The following SOWAHB variants were observed in gnomAD, a reference collection of about 807,000 sequenced individuals.
The protein encoded by SOWAHB is sosondowah ankyrin repeat domain family member B, also known as ankyrin repeat domain-containing protein SOWAHB.
A neutral mutation model predicts 18.3 loss-of-function variants in SOWAHB; 17 were observed. That is an observed-to-expected ratio of 0.93 (90% CI 0.64 to 1.40). The LOEUF is 1.40. Ranked by LOEUF, SOWAHB falls within the 40% of genes most tolerant of loss-of-function variation. The pLI, the probability that SOWAHB is intolerant of heterozygous loss-of-function variation, is 0.00. For missense variants in SOWAHB, 1,126 were observed against 1,033.7 expected (o/e 1.09, Z -1.22); for synonymous variants, 496 against 448.1 (o/e 1.11, Z -1.35).
Position 76,897,262 on chromosome 4 carries a change from G to T in SOWAHB, c.588C>A (p.Cys196Ter). The T allele has an allele frequency of 6.4e-7, 1 of 1,564,570 alleles. No individual in the cohort carries two copies. ...SCAAAKTQGR[C>*]CWECLQNNLA... is the part of the protein sequence containing the mutation. ...GGTTGTTCTGGAGGCATTCCCAGCA[G>T]CAGCGGCCCTGCGTCTTCGCCGCCG... is the stretch of plus-strand genomic sequence containing the variant. The change falls in exon 1 of 1, where the codon TGC becomes TGA. Residue 196 changes from cysteine to a stop codon, truncating the protein, a stop_gained. Coordinates refer to ENST00000334306, the MANE Select transcript of SOWAHB (RefSeq NM_001029870.3). LOFTEE classifies it low-confidence loss of function (END_TRUNC). The surrounding 1 kb of genome is among the most constrained non-coding windows in gnomAD (Gnocchi z 6.4).
chr4:76,896,529 C>A lies in SOWAHB; in HGVS notation c.1321G>T (p.Gly441Cys). The change falls in exon 1 of 1, where the codon GGC (glycine) becomes TGC (cysteine). Residue 441 changes from glycine (G) to cysteine (C), a missense_variant. Coordinates refer to ENST00000334306, the MANE Select transcript of SOWAHB (RefSeq NM_001029870.3). ...CCCTCCTTCCGAGATACAGAAAGGC[C>A]CCCAGCTGGATTCCTGAGCTTCCCC... ...DRGKLRNPAG[G>C]LSVSRKEGSP... The A allele has an allele frequency of 6.2e-7, 1 of 1,613,012 alleles. No homozygotes were observed. The highest frequency in any genetic ancestry group is 8.5e-7 in the Non-Finnish European group (1 of 1,179,850).
In SOWAHB at chr4:76,897,339, G is replaced by A; in HGVS notation, c.511C>T (p.Pro171Ser). ...GGSKGSPGQR[P>S]PVPAAAAAGA... The stretch of plus-strand genomic sequence containing the variant: ...GCCGCTGCAGCTGCGGGCACCGGCG[G>A]CCTCTGTCCGGGACTGCCCTTCGAT... Residue 171 changes from proline to serine, a missense_variant, in exon 1 of 1, where the codon CCG (proline) becomes TCG (serine). Pro to Ser is a moderately conservative substitution (Grantham distance 74). Transcript: ENST00000334306. This position sits in a 1 kb window ranked among gnomAD's most constrained non-coding sequence, Gnocchi z 6.4. 1.3e-6 allele frequency: 2 copies of A among 1,537,596 alleles called. No individual in the cohort carries two copies. Among genetic ancestry groups the A allele is most frequent in the Non-Finnish European group, 1.7e-6 (2 of 1,148,158 alleles).
At position 76,897,369 on chromosome 4, in the gene SOWAHB, C is replaced by G; in HGVS notation, c.481G>C (p.Gly161Arg). The G allele has an allele frequency of 6.5e-7, 1 of 1,529,344 alleles. No individual in the cohort carries two copies. The highest frequency in any genetic ancestry group is 2.0e-5 in the Admixed American group (1 of 51,014). 94.7% of individuals were successfully genotyped at this position (1,529,344 alleles called of 1,614,324 possible). A position where few individuals can be genotyped will look rare whatever the true frequency, so the allele number is the denominator to read the frequency against. ...TGTCCGGGACTGCCCTTCGATCCGC[C>G]GCCCTTCCCGGGCGCCCTACGGGAG... ...SDSRRAPGKG[G>R]GSKGSPGQRP... The change falls in exon 1 of 1, where the codon GGC (glycine) becomes CGC (arginine). Residue 161 changes from glycine (G) to arginine (R), a missense_variant. By Grantham distance (125) the Gly-to-Arg change is moderately radical (BLOSUM62 -2). Transcript: ENST00000334306. This position sits in a 1 kb window ranked among gnomAD's most constrained non-coding sequence, Gnocchi z 6.4.
rs1719859169 is a variant in SOWAHB, at chr4:76,894,262, AT to A, written c.*1205del. ...TGTCACATCTCATGAAAACATTCCC[AT>A]AAAAAATTAACAATTTCCACTTGAA... is the stretch of plus-strand genomic sequence containing the variant. On this transcript the variant is annotated 3_prime_UTR_variant, in exon 1 of 1. Coordinates refer to ENST00000334306, the MANE Select transcript of SOWAHB (RefSeq NM_001029870.3). 6.6e-6 allele frequency among the ~76,000 whole-genome samples: 1 copy of A among 152,218 alleles called. No homozygotes were observed. The highest frequency in any genetic ancestry group is 2.4e-5 in the African/African-American group (1 of 41,462).
chr4:76,895,435 G>A lies in SOWAHB; in HGVS notation c.*33C>T. 6.5e-7 allele frequency: 1 copy of A among 1,539,622 alleles called. No homozygotes were observed. The highest frequency in any genetic ancestry group is 1.3e-5 in the South Asian group (1 of 78,688). On this transcript the variant is annotated 3_prime_UTR_variant, in exon 1 of 1. Coordinates refer to ENST00000334306, the MANE Select transcript of SOWAHB (RefSeq NM_001029870.3). ...TTCTCTCACTGAGCAGGATGAGGGA[G>A]TGCTGCCTGCATGTTGGACAGAGAG... is the stretch of plus-strand genomic sequence containing the variant.
chr4:76,896,924 C>T lies in SOWAHB; in HGVS notation c.926G>A (p.Trp309Ter), dbSNP rs1719933246. The T allele has an allele frequency of 1.2e-6, 2 of 1,611,036 alleles. No homozygotes were observed. Among genetic ancestry groups the T allele is most frequent in the Non-Finnish European group, 1.7e-6 (2 of 1,179,006 alleles). ...GGGCACCTGCGGGTGCCTGGCCACCCACTCTCGAGTGCGCTGCTGCTGCTG... is the reference window on the plus strand; with the variant it reads ...GGGCACCTGCGGGTGCCTGGCCACCTACTCTCGAGTGCGCTGCTGCTGCTG... ...LQQQQQRTREWVARHPQVPEA... is the reference protein window; with the variant it reads ...LQQQQQRTRE Residue 309 changes from tryptophan to a stop codon, truncating the protein, a stop_gained, in exon 1 of 1, where the codon TGG (tryptophan) becomes TAG (stop). Coordinates refer to ENST00000334306, the MANE Select transcript of SOWAHB (RefSeq NM_001029870.3). LOFTEE classifies it low-confidence loss of function (END_TRUNC).
At position 76,897,546 on chromosome 4, in the gene SOWAHB, C is replaced by A; in HGVS notation, c.304G>T (p.Ala102Ser). 1 of 1,513,272 alleles carries A rather than the reference C, an allele frequency of 6.6e-7. No homozygotes were observed. Among genetic ancestry groups the A allele is most frequent in the South Asian group, 1.3e-5 (1 of 79,556 alleles). 93.7% of individuals were successfully genotyped at this position (1,513,272 alleles called of 1,614,324 possible). ...PPAAAPSAGGAAPCSPRGARR... is the reference protein window; with the variant it reads ...PPAAAPSAGGSAPCSPRGARR... ...GCGCCTCGCGGGGAGCAGGGCGCAG[C>A]TCCCCCTGCACTGGGGGCGGCCGCG... Residue 102 changes from alanine (A) to serine (S), a missense_variant, in exon 1 of 1, where the codon GCT becomes TCT. By Grantham distance (99) the Ala-to-Ser change is moderately conservative. Coordinates refer to ENST00000334306, the MANE Select transcript of SOWAHB (RefSeq NM_001029870.3). The surrounding 1 kb of genome is among the most constrained non-coding windows in gnomAD (Gnocchi z 6.4).
chr4:76,897,866 GC>G lies in SOWAHB; in HGVS notation c.-18del. The G allele has an allele frequency of 6.3e-7, 1 of 1,584,478 alleles. No homozygotes were observed. The highest frequency in any genetic ancestry group is 1.1e-5 in the South Asian group (1 of 89,792). ...TCGGGCCATCGCTGCCTTGTCCTCC[GC>G]CCCAGAGGTGTCTGAGTCTCGCCCT... On this transcript the variant is annotated 5_prime_UTR_variant, in exon 1 of 1. Coordinates refer to ENST00000334306, the MANE Select transcript of SOWAHB (RefSeq NM_001029870.3). The surrounding 1 kb of genome is among the most constrained non-coding windows in gnomAD (Gnocchi z 6.4).
chr4:76,896,536 T>A lies in SOWAHB; in HGVS notation c.1314A>T (p.Pro438=), dbSNP rs757719791. 14 of 1,613,110 alleles carry A rather than the reference T, an allele frequency of 8.7e-6. No homozygotes were observed. In the South Asian group the frequency reaches 1.5e-4, roughly 18 times the overall value. Residue 438 remains proline (P), a synonymous_variant, in exon 1 of 1, where the codon CCA becomes CCT. Coordinates refer to ENST00000334306, the MANE Select transcript of SOWAHB (RefSeq NM_001029870.3). ...GTPDRGKLRN[P]AGGLSVSRKE... The stretch of plus-strand genomic sequence containing the variant: ...TCCGAGATACAGAAAGGCCCCCAGC[T>A]GGATTCCTGAGCTTCCCCCTATCTG...
Position 76,895,892 on chromosome 4 carries a change from C to T in SOWAHB, c.1958G>A (p.Gly653Glu), listed in dbSNP as rs759677258. Residue 653 changes from glycine (G) to glutamate (E), a missense_variant, in exon 1 of 1, where the codon GGA becomes GAA. By Grantham distance (98) the Gly-to-Glu change is moderately conservative (BLOSUM62 -2). Coordinates refer to ENST00000334306, the MANE Select transcript of SOWAHB (RefSeq NM_001029870.3). Reference sequence around the variant, plus strand: ...AAGGACAATCCCTGCCTTCTTTGCTCCAGACACCAAGTCCTGAAGGGCCCT... The same window carrying T: ...AAGGACAATCCCTGCCTTCTTTGCTTCAGACACCAAGTCCTGAAGGGCCCT... Reference protein sequence around the residue: ...DLRALQDLVSGAKKAGIVLDV... With the variant: ...DLRALQDLVSEAKKAGIVLDV... The T allele has an allele frequency of 1.2e-6, 2 of 1,614,208 alleles. No individual in the cohort carries two copies. Among genetic ancestry groups the T allele is most frequent in the Non-Finnish European group, 1.7e-6 (2 of 1,180,034 alleles).
rs1433506589 is a variant in SOWAHB, at chr4:76,897,247, G to C, written c.603C>G (p.Leu201=). 6.3e-7 allele frequency: 1 copy of C among 1,577,158 alleles called. No homozygotes were observed. Among genetic ancestry groups the C allele is most frequent in the Non-Finnish European group, 8.5e-7 (1 of 1,169,790 alleles). ...KTQGRCCWEC[L]QNNLAVLPGE... ...CCGGCAGTACAGCCAGGTTGTTCTGGAGGCATTCCCAGCAGCAGCGGCCCT... is the reference window on the plus strand; with the variant it reads ...CCGGCAGTACAGCCAGGTTGTTCTGCAGGCATTCCCAGCAGCAGCGGCCCT... Residue 201 remains leucine (L), a synonymous_variant, in exon 1 of 1, where the codon CTC becomes CTG. Transcript: ENST00000334306. This position sits in a 1 kb window ranked among gnomAD's most constrained non-coding sequence, Gnocchi z 6.4.
At position 76,895,953 on chromosome 4, in the gene SOWAHB, TGTACCCA is replaced by T. The variant is rs948221749; in HGVS notation, c.1890_1896del (p.Gly631LeufsTer6). The T allele has an allele frequency of 1.2e-6, 2 of 1,614,040 alleles. No homozygotes were observed. The highest frequency in any genetic ancestry group is 2.7e-5 in the African/African-American group (2 of 74,930). ...TGTTTGGCTATCCAGTGCAACGCAG[TGTACCCA>T]GTCAAAAAGTCTTTGTGCAAGGCCA... On this transcript the variant is annotated frameshift_variant, in exon 1 of 1. Transcript: ENST00000334306. LOFTEE classifies it high-confidence loss of function.
chr4:76,895,474 A>C lies in SOWAHB; in HGVS notation c.2376T>G (p.Ser792Arg). 1 of 1,595,558 alleles carries C rather than the reference A, an allele frequency of 6.3e-7. No individual in the cohort carries two copies. Among genetic ancestry groups the C allele is most frequent in the South Asian group, 1.2e-5 (1 of 86,752 alleles). The change falls in exon 1 of 1, where the codon AGT (serine) becomes AGG (arginine). Residue 792 changes from serine to arginine, a missense_variant. Transcript: ENST00000334306. The stretch of plus-strand genomic sequence containing the variant: ...TTGGACAGAGAGACCCACCTCAGTC[A>C]CTATACTCTTCTCTTTCCCTTGGAC... ...FHSPREREEYSD is the reference protein window; with the variant it reads ...FHSPREREEYRD
In SOWAHB at chr4:76,897,746, C is replaced by T. The variant is rs763038416; in HGVS notation, c.104G>A (p.Arg35Gln). 2.1e-5 allele frequency: 34 copies of T among 1,608,636 alleles called. 1 individual carries two copies. Among genetic ancestry groups the T allele is most frequent in the Non-Finnish European group, 2.8e-5 (33 of 1,179,894 alleles). The part of the protein sequence containing the change: ...ALLSHFKSFL[R>Q]DPDASPSQHQ... ...CTGGCTGGGGGACGCGTCGGGGTCTCGGAGAAAGCTCTTGAAGTGGCTCAG... is the reference window on the plus strand; with the variant it reads ...CTGGCTGGGGGACGCGTCGGGGTCTTGGAGAAAGCTCTTGAAGTGGCTCAG... The change falls in exon 1 of 1, where the codon CGA becomes CAA. Residue 35 changes from arginine to glutamine, a missense_variant. Transcript: ENST00000334306. The surrounding 1 kb of genome is among the most constrained non-coding windows in gnomAD (Gnocchi z 6.4).
chr4:76,896,120 G>C lies in SOWAHB; in HGVS notation c.1730C>G (p.Ala577Gly), dbSNP rs1379560069. The change falls in exon 1 of 1, where the codon GCC becomes GGC. Residue 577 changes from alanine (A) to glycine (G), a missense_variant. Transcript: ENST00000334306. ...LWVPSGEGSA[A>G]LAPHRTSEHK... Reference sequence around the variant, plus strand: ...CTCAGAAGTTCTGTGGGGGGCCAAGGCTGCAGACCCCTCCCCACTGGGGAC... The same window carrying C: ...CTCAGAAGTTCTGTGGGGGGCCAAGCCTGCAGACCCCTCCCCACTGGGGAC... 3 of 1,574,010 alleles carry C rather than the reference G, an allele frequency of 1.9e-6. No individual in the cohort carries two copies. Among genetic ancestry groups the C allele is most frequent in the East Asian group, 2.2e-5 (1 of 44,542 alleles).
Position 76,897,262 on chromosome 4 carries a change from G to C in SOWAHB, c.588C>G (p.Cys196Trp). 6.4e-7 allele frequency: 1 copy of C among 1,564,570 alleles called. No homozygotes were observed. The highest frequency in any genetic ancestry group is 1.3e-5 in the African/African-American group (1 of 74,386). The change falls in exon 1 of 1, where the codon TGC becomes TGG. Residue 196 changes from cysteine to tryptophan, a missense_variant. Cys to Trp is a radical substitution (Grantham distance 215, BLOSUM62 -2). Coordinates refer to ENST00000334306, the MANE Select transcript of SOWAHB (RefSeq NM_001029870.3). This position sits in a 1 kb window ranked among gnomAD's most constrained non-coding sequence, Gnocchi z 6.4. ...SCAAAKTQGRCCWECLQNNLA... is the reference protein window; with the variant it reads ...SCAAAKTQGRWCWECLQNNLA... The stretch of plus-strand genomic sequence containing the variant: ...GGTTGTTCTGGAGGCATTCCCAGCA[G>C]CAGCGGCCCTGCGTCTTCGCCGCCG...
rs767044710 is a variant in SOWAHB, at chr4:76,896,993, G to A, written c.857C>T (p.Pro286Leu). 1.3e-5 allele frequency: 20 copies of A among 1,575,290 alleles called. No homozygotes were observed. Among genetic ancestry groups the A allele is most frequent in the Non-Finnish European group, 1.6e-5 (19 of 1,165,292 alleles). The change falls in exon 1 of 1, where the codon CCG (proline) becomes CTG (leucine). Residue 286 changes from proline (P) to leucine (L), a missense_variant. Physicochemically the swap from Pro to Leu is moderately conservative, Grantham distance 98 (BLOSUM62 -3). Transcript: ENST00000334306. ...LPGPAPRGDRPELLTPSSLHY... is the reference protein window; with the variant it reads ...LPGPAPRGDRLELLTPSSLHY... ...CAGGGAGCTGGGGGTCAGCAGCTCC[G>A]GCCGGTCTCCGCGGGGAGCGGGGCC...
chr4:76,897,558 TG>T lies in SOWAHB; in HGVS notation c.291del (p.Ser98ValfsTer149). The T allele has an allele frequency of 1.3e-6, 2 of 1,578,944 alleles. No homozygotes were observed. On this transcript the variant is annotated frameshift_variant, in exon 1 of 1. Coordinates refer to ENST00000334306, the MANE Select transcript of SOWAHB (RefSeq NM_001029870.3). LOFTEE classifies it low-confidence loss of function (END_TRUNC). This position sits in a 1 kb window ranked among gnomAD's most constrained non-coding sequence, Gnocchi z 6.4. ...GAGCAGGGCGCAGCTCCCCCTGCAC[TG>T]GGGGCGGCCGCGGGCGGCTCGCGGG... is the stretch of plus-strand genomic sequence containing the variant. ...QRPREPPAAA[P>X]SAGGAAPCSP...
chr4:76,894,726 A>G lies in SOWAHB; in HGVS notation c.*742T>C, dbSNP rs1399089792. 6.6e-6 allele frequency among the ~76,000 whole-genome samples: 1 copy of G among 152,214 alleles called. No homozygotes were observed. The highest frequency in any genetic ancestry group is 1.9e-4 in the East Asian group (1 of 5,194). ...CATTTGGAAAGTTCCCTTCGGGTTG[A>G]TACAAAAAAGCAGGGCCTGAATGAC... is the stretch of plus-strand genomic sequence containing the variant. On this transcript the variant is annotated 3_prime_UTR_variant, in exon 1 of 1. Transcript: ENST00000334306.
Sources: allele counts gnomAD v4.1 joint callset (sites outside exome capture counted in the v4.1 genomes callset), GRCh38; gene constraint gnomAD v4.1.1; non-coding constraint Gnocchi (gnomAD v3.1); transcripts MANE v1.5; gene names NCBI Gene and HGNC (gene_info 2026-07-23, HGNC 2026-07-21).